DENND6A: variants seen among roughly 807,000 people sequenced by gnomAD.
DENND6A encodes the protein DENN domain containing 6A.
A neutral mutation model predicts 95.5 loss-of-function variants in DENND6A; 43 were observed. That is an observed-to-expected ratio of 0.45 (90% CI 0.35 to 0.58). DENND6A has a LOEUF of 0.58. DENND6A is among the 20% of genes least tolerant of loss of function. The pLI is 0.00. For missense variants in DENND6A, 574 were observed against 736.0 expected (o/e 0.78, Z 2.55); for synonymous variants, 257 against 260.4 (o/e 0.99, Z 0.13).
intron 9 of DENND6A, among the ~76,000 whole-genome samples, chr3:57,651,801 A>G: frequency 6.6e-6 from 1 of 152,246 alleles, no homozygotes; most frequent in East Asian, 1.9e-4. Context: ...CTAAGTTCTC[A>G]CTGGCTAAAC....
intron 1 of DENND6A, among the ~76,000 whole-genome samples, chr3:57,684,552 G>A (rs982584594): frequency 5.3e-5 from 8 of 152,200 alleles, no homozygotes; most frequent in African/African-American, 1.4e-4. Flanking sequence ...GGGAGGCTGA[G>A]GCAGGCAGAT....
intron 1 of DENND6A, among the ~76,000 whole-genome samples, chr3:57,690,333 G>A (rs1023620695): frequency 3.3e-5 from 5 of 152,038 alleles, no homozygotes; most frequent in East Asian, 1.9e-4. Flanking sequence ...GTGAAACCCC[G>A]TCTCTATTAA....
intron 9 of DENND6A, chr3:57,654,535 T>TC (rs1191180010): frequency 1.3e-6 from 1 of 742,852 alleles, no homozygotes; most frequent in Non-Finnish European, 1.6e-6. Context: ...AACTGATGTG[T>TC]CTCTCATTGT....
rs576491077 is a variant in DENND6A at position 57,659,165 on chromosome 3, A to C, written c.715T>G (p.Cys239Gly). 1.9e-6 allele frequency: 3 copies of C among 1,614,094 alleles called. No individual in the cohort carries two copies. The highest frequency in any genetic ancestry group is 2.2e-5 in the South Asian group (2 of 91,086). ...TGAGTTGTCCCAGGCTTGTCATGAC[A>C]TGTGGGAATCCGTACCTAAAAGAAA... Reference protein sequence around the residue: ...GVVMKVRIPTCHDKPGTTQIV... With the variant: ...GVVMKVRIPTGHDKPGTTQIV... Residue 239 changes from cysteine to glycine, a missense_variant, in exon 8 of 20, where the codon TGT becomes GGT. Cys to Gly is a radical substitution (Grantham distance 159). Transcript: ENST00000311128.
intron 12 of DENND6A, among the ~76,000 whole-genome samples, chr3:57,635,359 A>C (rs114324843): frequency 0.013 from 1,962 of 152,290 alleles, 46 homozygotes; most frequent in African/African-American, 0.044. Flanking sequence ...GCTATGTTGA[A>C]TAGCTTGTGT....
chr3:57,644,984 T>C (rs1022441406), intron 11 of DENND6A, among the ~76,000 whole-genome samples: 2 of 151,756 alleles, frequency 1.3e-5, no homozygotes, highest in Non-Finnish European at 2.9e-5. Context: ...AGATCGTACA[T>C]GCAGATTTTT....
At chr3:57,671,716 G>A (rs2071621175) in intron 3 of DENND6A, among the ~76,000 whole-genome samples, 1 of 152,166 alleles carries the variant, frequency 6.6e-6, no homozygotes, top group Non-Finnish European at 1.5e-5. Flanking sequence ...ACAAAAGGAA[G>A]AGCTTGAAAG....
At chr3:57,646,588 G>T in intron 9 of DENND6A, 150 bp from the exon 10 acceptor site, 1 of 1,166,480 alleles carries the variant, frequency 8.6e-7, no homozygotes, top group Non-Finnish European at 1.2e-6. Context: ...TTAGAATATG[G>T]TGATGTATAG....
chr3:57,635,202 T>TTTTGTTTTG (rs2070766008), intron 12 of DENND6A, among the ~76,000 whole-genome samples: 1 of 151,364 alleles, frequency 6.6e-6, no homozygotes, highest in Non-Finnish European at 1.5e-5. Context: ...GTTTGTGGGG[T>TTTTGTTTTG]TTTGTTTTGT....
chr3:57,674,225 T>C (rs371919738), intron 1 of DENND6A, among the ~76,000 whole-genome samples: 1 of 151,794 alleles, frequency 6.6e-6, no homozygotes, highest in East Asian at 1.9e-4. Flanking sequence ...ACAAAAAAAT[T>C]AGCTGGGCGT....
At chr3:57,630,284 T>C (rs1277825920) in intron 18 of DENND6A, 137 bp downstream of exon 18, 1 of 689,136 alleles carries the variant, frequency 1.5e-6, no homozygotes, top group East Asian at 3.0e-5. Context: ...CCTTGGCACA[T>C]AGCACATGAT....
chr3:57,643,492 A>G lies in DENND6A; in HGVS notation c.1038-1745T>C, dbSNP rs1030422022. ...TTGGCTAGAAAGATATATTTCAGTC[A>G]TTAACATGGGGTATTAACAGAAGCC... On this transcript the variant is annotated intron_variant, in intron 11 of 19. Coordinates refer to ENST00000311128, the MANE Select transcript of DENND6A (RefSeq NM_152678.3). Among the ~76,000 whole-genome samples the G allele has an allele frequency of 2.0e-5, 3 of 152,128 alleles. No homozygotes were observed. The South Asian group carries it at 6.2e-4, about 32-fold the overall frequency.
rs959460270 is a variant in DENND6A, at chr3:57,669,397, A to T, written c.319+2859T>A. 4.5e-4 allele frequency among the ~76,000 whole-genome samples: 68 copies of T among 152,046 alleles called. 1 individual carries two copies. The highest frequency in any genetic ancestry group is 9.1e-4 in the Non-Finnish European group (62 of 68,016). ...ACACTTCATTTGATGTGCAGCACAT[A>T]AAAAAAGCATTAAATAATATCTATG... On this transcript the variant is annotated intron_variant, in intron 3 of 19. Transcript: ENST00000311128.
chr3:57,639,193 C>A (rs907435251), intron 12 of DENND6A, among the ~76,000 whole-genome samples: 1 of 152,144 alleles, frequency 6.6e-6, no homozygotes, highest in African/African-American at 2.4e-5. Context: ...CATCATTAGT[C>A]ATTAGAGAAA....
intron 4 of DENND6A, among the ~76,000 whole-genome samples, 163 bp from the exon 5 acceptor site, chr3:57,663,879 A>G (rs2071479636): frequency 1.3e-5 from 2 of 152,194 alleles, no homozygotes; most frequent in Admixed American, 1.3e-4. Context: ...TTCCAGCAAC[A>G]AACAATAATC....
At chr3:57,680,563 A>G (rs968893742) in intron 1 of DENND6A, among the ~76,000 whole-genome samples, 2 of 152,218 alleles carry the variant, frequency 1.3e-5, no homozygotes, top group African/African-American at 4.8e-5. Context: ...GAGCCTCCAG[A>G]GCTATGAGAA....
chr3:57,643,268 A>T (rs1055334720), intron 11 of DENND6A, among the ~76,000 whole-genome samples: 45 of 152,202 alleles, frequency 3.0e-4, no homozygotes, highest in African/African-American at 1.0e-3. Context: ...AGTGAAAACT[A>T]ATGCCATCCA....
intron 12 of DENND6A, among the ~76,000 whole-genome samples, chr3:57,639,592 T>C (rs1474852998): frequency 6.6e-6 from 1 of 152,192 alleles, no homozygotes; most frequent in Non-Finnish European, 1.5e-5. Flanking sequence ...CAACTGTTGT[T>C]CTCTGTATTA....
intron 1 of DENND6A, among the ~76,000 whole-genome samples, chr3:57,682,531 A>T (rs996218597): frequency 1.3e-5 from 2 of 151,970 alleles, no homozygotes; most frequent in African/African-American, 4.8e-5. Context: ...TCTTTTTGTA[A>T]TTTTTCCTCA....
Sources: gnomAD v4.1 joint callset for allele counts (sites outside exome capture counted in the v4.1 genomes callset) on GRCh38, gnomAD v4.1.1 for gene constraint, MANE v1.5 for transcripts, NCBI Gene and HGNC (gene_info 2026-07-23, HGNC 2026-07-21) for gene names.